NRXN1: variants seen among roughly 807,000 people sequenced by gnomAD.
The protein encoded by NRXN1 is neurexin 1, also known as neurexin-1.
Under a neutral mutation model 150.9 loss-of-function variants are expected in NRXN1, and 39 were observed. The ratio of observed to expected loss-of-function variants is 0.26; its 90% CI spans 0.20 to 0.34. The LOEUF (loss-of-function observed/expected upper bound fraction) is 0.34. Ranked by LOEUF, NRXN1 falls within the 10% of genes least tolerant of loss-of-function variation. The pLI, the probability that NRXN1 is intolerant of heterozygous loss-of-function variation, is 1.00. For synonymous variants in NRXN1, 924 were observed against 757.0 expected (o/e 1.22, Z -3.62); for missense variants, 1,815 against 1,949.9 (o/e 0.93, Z 1.30).
chr2:50,820,207 A>T (rs912932011), intron 5 of NRXN1, among the ~76,000 whole-genome samples: 1 of 152,052 alleles, frequency 6.6e-6, no homozygotes, highest in African/African-American at 2.4e-5. Flanking sequence ...ATTAATTCCT[A>T]TTGAACTTAC....
chr2:50,426,423 CT>C, intron 17 of NRXN1, among the ~76,000 whole-genome samples: 1 of 152,188 alleles, frequency 6.6e-6, no homozygotes, highest in East Asian at 1.9e-4. Flanking sequence ...GAGAAACATT[CT>C]CCTAAATTTG....
chr2:50,701,226 T>C (rs1229823882), intron 5 of NRXN1, among the ~76,000 whole-genome samples: 2 of 152,140 alleles, frequency 1.3e-5, no homozygotes, highest in East Asian at 3.8e-4. Context: ...AAAGTTTCAA[T>C]CTCATCATCT....
At chr2:50,005,449 C>G (rs770394648) in intron 21 of NRXN1, among the ~76,000 whole-genome samples, 12 of 152,146 alleles carry the variant, frequency 7.9e-5, no homozygotes, top group Non-Finnish European at 1.6e-4. Context: ...TGCTTTCCTA[C>G]AGGCCAATAA....
At chr2:50,631,309 C>T in intron 5 of NRXN1, 1 of 293,454 alleles carries the variant, frequency 3.4e-6, no homozygotes, top group Non-Finnish European at 6.7e-6. Flanking sequence ...AAATAAATTG[C>T]CAAGCTTCTA....
chr2:50,424,539 A>G (rs2084329394), intron 17 of NRXN1, among the ~76,000 whole-genome samples: 1 of 152,116 alleles, frequency 6.6e-6, no homozygotes, highest in African/African-American at 2.4e-5. Flanking sequence ...GGGTCTACCT[A>G]ACACTGGCTC....
At chr2:50,169,338 C>G (rs2059878463) in intron 18 of NRXN1, among the ~76,000 whole-genome samples, 1 of 151,922 alleles carries the variant, frequency 6.6e-6, no homozygotes, top group Non-Finnish European at 1.5e-5. Flanking sequence ...GGTACCTTGC[C>G]CCAGTGGAAA....
intron 18 of NRXN1, among the ~76,000 whole-genome samples, chr2:50,107,582 T>C (rs1701847553): frequency 2.2e-5 from 3 of 137,656 alleles, no homozygotes; most frequent in Non-Finnish European, 4.8e-5. Flanking sequence ...ATGTGATACA[T>C]CAATGGATTG....
intron 21 of NRXN1, among the ~76,000 whole-genome samples, chr2:50,050,657 C>A (rs1692573032): frequency 6.6e-6 from 1 of 151,964 alleles, no homozygotes; most frequent in South Asian, 2.1e-4. Flanking sequence ...AAATTTATCT[C>A]ATATTTAAAC....
chr2:50,237,097 G>C (rs1357202724), intron 17 of NRXN1, 127 bp from the exon 18 acceptor site: 1 of 959,316 alleles, frequency 1.0e-6, no homozygotes, highest in Non-Finnish European at 1.6e-6. Context: ...GTAAATCATA[G>C]ATTTCAATCA....
intron 5 of NRXN1, among the ~76,000 whole-genome samples, chr2:50,627,406 T>C (rs941205812): frequency 6.7e-6 from 1 of 148,582 alleles, no homozygotes; most frequent in East Asian, 2.0e-4. Context: ...CGCATACTAA[T>C]AATTATATAT....
chr2:50,550,664 C>A (rs1488285274), intron 9 of NRXN1, among the ~76,000 whole-genome samples: 1 of 150,296 alleles, frequency 6.7e-6, no homozygotes. Context: ...CTCTTCTCAG[C>A]TTATTTTTAT....
chr2:51,001,054 GC>G (rs1699981692), intron 2 of NRXN1, among the ~76,000 whole-genome samples: 1 of 151,970 alleles, frequency 6.6e-6, no homozygotes, highest in African/African-American at 2.4e-5. Flanking sequence ...TGTGGTGAAG[GC>G]TAAAGAGAAT....
intron 17 of NRXN1, among the ~76,000 whole-genome samples, chr2:50,296,534 T>TATTATC (rs113286816): frequency 0.037 from 5,550 of 150,898 alleles, 376 homozygotes; most frequent in African/African-American, 0.13. Context: ...TTATTATTAT[T>TATTATC]ATCATTATTA....
intron 18 of NRXN1, among the ~76,000 whole-genome samples, chr2:50,169,656 G>A (rs62135864): frequency 6.7e-5 from 10 of 148,244 alleles, no homozygotes; most frequent in Admixed American, 5.4e-4. Flanking sequence ...AGGTTGCAGT[G>A]AGCGGAGAAT....
Position 50,381,742 on chromosome 2 carries a change from T to C in NRXN1, c.3364+83700A>G, listed in dbSNP as rs562078037. 2.6e-5 allele frequency among the ~76,000 whole-genome samples: 4 copies of C among 152,300 alleles called. No homozygotes were observed. The East Asian group carries it at 5.8e-4, about 22-fold the overall frequency. On this transcript the variant is annotated intron_variant, in intron 17 of 22. Coordinates refer to ENST00000401669, the MANE Select transcript of NRXN1 (RefSeq NM_001330078.2). ...AACTGCAACTGCTTTTGCACCATCCTAATAGTTTTAAATGCAAGGTGCTTA... is the reference window on the plus strand; with the variant it reads ...AACTGCAACTGCTTTTGCACCATCCCAATAGTTTTAAATGCAAGGTGCTTA...
intron 9 of NRXN1, among the ~76,000 whole-genome samples, chr2:50,551,074 A>AGAAGAAGAAGAAGAGGAG (rs1553775804): frequency 2.4e-4 from 27 of 110,776 alleles, no homozygotes; most frequent in African/African-American, 8.5e-4. Flanking sequence ...AAGAAGAAGA[A>AGAAGAAGAAGAAGAGGAG]GAGGAGGAGG....
At chr2:50,265,476 C>A (rs1413368993) in intron 17 of NRXN1, among the ~76,000 whole-genome samples, 1 of 152,138 alleles carries the variant, frequency 6.6e-6, no homozygotes, top group Non-Finnish European at 1.5e-5. Flanking sequence ...AACAAAAGTG[C>A]TACTGTGATT....
chr2:50,168,595 A>T (rs2059827606), intron 18 of NRXN1, among the ~76,000 whole-genome samples: 1 of 152,180 alleles, frequency 6.6e-6, no homozygotes, highest in Non-Finnish European at 1.5e-5. Context: ...ATCAATTGGA[A>T]CATTTTTGAG....
intron 21 of NRXN1, among the ~76,000 whole-genome samples, chr2:50,029,086 G>A (rs1268742561): frequency 6.6e-6 from 1 of 152,152 alleles, no homozygotes; most frequent in African/African-American, 2.4e-5. Flanking sequence ...TAGGTGTTGA[G>A]GATGGAGGCT....
Sources: gnomAD v4.1 joint callset for allele counts (sites outside exome capture counted in the v4.1 genomes callset) on GRCh38, gnomAD v4.1.1 for gene constraint, MANE v1.5 for transcripts, NCBI Gene and HGNC (gene_info 2026-07-23, HGNC 2026-07-21) for gene names.